Variants in DLG2 observed in about 807,000 individuals in gnomAD.
DLG2 encodes disks large homolog 2.
In DLG2, 45 loss-of-function variants were observed where a neutral mutation model predicts 132.5. The ratio of observed to expected loss-of-function variants is 0.34; its 90% confidence interval spans 0.27 to 0.44. The LOEUF (loss-of-function observed/expected upper bound fraction) is 0.44. Ranked by LOEUF, DLG2 falls within the 20% of genes least tolerant of loss-of-function variation. DLG2 has a pLI of 1.00. For missense variants in DLG2, 1,045 were observed against 1,196.9 expected (o/e 0.87, Z 1.87); for synonymous variants, 424 against 419.6 (o/e 1.01, Z -0.13).
intron 21 of DLG2, among the ~76,000 whole-genome samples, chr11:83,505,106 G>A (rs2094626423): frequency 6.6e-6 from 1 of 152,204 alleles, no homozygotes; most frequent in Non-Finnish European, 1.5e-5. Context: ...CTTGGCAGAA[G>A]CATTGTGTGC....
intron 3 of DLG2, among the ~76,000 whole-genome samples, chr11:85,412,658 G>T: frequency 6.7e-6 from 1 of 148,796 alleles, no homozygotes; most frequent in Non-Finnish European, 1.5e-5. Flanking sequence ...TAGAATAATA[G>T]TCTCCAATCT....
Position 84,178,926 on chromosome 11 carries a change from T to C in DLG2, c.574-15415A>G, listed in dbSNP as rs60854537. The stretch of plus-strand genomic sequence containing the variant: ...AATCTCTAATTGCTTTTATCTTATA[T>C]GTAGAGTTTTCAAAAAAATATAGGA... On this transcript the variant is annotated intron_variant, in intron 8 of 27. Transcript: ENST00000376104. Among the ~76,000 whole-genome samples the C allele has an allele frequency of 9.2e-5, 14 of 152,132 alleles. No homozygotes were observed. In the East Asian group the frequency reaches 2.7e-3, roughly 29 times the overall value.
chr11:83,716,491 G>A (rs189259832), intron 18 of DLG2, among the ~76,000 whole-genome samples: 64 of 152,298 alleles, frequency 4.2e-4, no homozygotes, highest in Non-Finnish European at 6.5e-4. Flanking sequence ...CAGCTCAGTG[G>A]TGTTGCTTTA....
chr11:84,753,954 A>G (rs2066515229), intron 6 of DLG2, among the ~76,000 whole-genome samples: 1 of 152,246 alleles, frequency 6.6e-6, no homozygotes, highest in Non-Finnish European at 1.5e-5. Flanking sequence ...ATGAGAACTA[A>G]GAACCGACCA....
intron 6 of DLG2, among the ~76,000 whole-genome samples, chr11:84,886,261 T>A (rs1020533870): frequency 1.3e-5 from 2 of 152,122 alleles, no homozygotes; most frequent in African/African-American, 4.8e-5. Flanking sequence ...AGATATTTCC[T>A]AGAGCTACTT....
At chr11:83,781,190 C>G (rs976184453) in intron 18 of DLG2, among the ~76,000 whole-genome samples, 1 of 152,122 alleles carries the variant, frequency 6.6e-6, no homozygotes, top group Non-Finnish European at 1.5e-5. Context: ...TCAAATATCA[C>G]CTTATTAGCA....
At chr11:85,027,617 A>T (rs1449443650) in intron 6 of DLG2, among the ~76,000 whole-genome samples, 1 of 152,234 alleles carries the variant, frequency 6.6e-6, no homozygotes, top group African/African-American at 2.4e-5. Flanking sequence ...ACAGCCACGC[A>T]TGCTAGCTGC....
At chr11:84,914,166 C>A (rs2092306491) in intron 6 of DLG2, among the ~76,000 whole-genome samples, 2 of 152,182 alleles carry the variant, frequency 1.3e-5, no homozygotes, top group Non-Finnish European at 2.9e-5. Context: ...AGTCATCTAA[C>A]TTTCATTTTA....
chr11:83,461,943 T>C (rs765961991), intron 27 of DLG2, 59 bp downstream of exon 27: 3 of 1,180,720 alleles, frequency 2.5e-6, no homozygotes, highest in South Asian at 2.4e-5. Flanking sequence ...ACCCTCTCTG[T>C]GCCAAATGTC....
chr11:83,772,762 T>C (rs1409337771), intron 18 of DLG2, among the ~76,000 whole-genome samples: 1 of 152,154 alleles, frequency 6.6e-6, no homozygotes, highest in African/African-American at 2.4e-5. Context: ...CACATTCTCC[T>C]GTTAAGTGTT....
At position 84,605,863 on chromosome 11, in the gene DLG2, A is replaced by G. The variant is rs575264946; in HGVS notation, c.358-71132T>C. On this transcript the variant is annotated intron_variant, in intron 6 of 27. Coordinates refer to ENST00000376104, the MANE Select transcript of DLG2 (RefSeq NM_001142699.3). Reference sequence around the variant, plus strand: ...TTATACTTTTCTTTCCCACATCTGCACCTGTGATCATGCTGTGGAATTTAC... The same window carrying G: ...TTATACTTTTCTTTCCCACATCTGCGCCTGTGATCATGCTGTGGAATTTAC... 4.6e-5 allele frequency among the ~76,000 whole-genome samples: 7 copies of G among 152,090 alleles called. No homozygotes were observed. In the South Asian group the frequency reaches 1.0e-3, roughly 23 times the overall value.
chr11:84,045,268 C>T (rs1009041616), intron 11 of DLG2, among the ~76,000 whole-genome samples: 3 of 151,570 alleles, frequency 2.0e-5, no homozygotes, highest in Non-Finnish European at 3.0e-5. Flanking sequence ...CATCTTATTT[C>T]TGATAATCCA....
At chr11:85,235,115 A>C (rs1004084967) in intron 4 of DLG2, among the ~76,000 whole-genome samples, 1 of 152,040 alleles carries the variant, frequency 6.6e-6, no homozygotes, top group African/African-American at 2.4e-5. Context: ...GATTAATTTC[A>C]AAATCAATAT....
intron 11 of DLG2, among the ~76,000 whole-genome samples, chr11:84,020,707 G>C (rs1274163439): frequency 2.0e-5 from 3 of 152,198 alleles, no homozygotes; most frequent in Non-Finnish European, 4.4e-5. Context: ...TTCATGCCTT[G>C]TGGGCAAGGA....
intron 6 of DLG2, among the ~76,000 whole-genome samples, chr11:84,648,592 A>G (rs1940070): frequency 0.29 from 44,378 of 151,938 alleles, 7,131 homozygotes; most frequent in South Asian, 0.44. Context: ...TTGGAGCATT[A>G]GGTTGGATCG....
chr11:84,447,736 G>A (rs1227417403), intron 7 of DLG2, among the ~76,000 whole-genome samples: 1 of 151,964 alleles, frequency 6.6e-6, no homozygotes, highest in African/African-American at 2.4e-5. Flanking sequence ...CCTCTTGTAA[G>A]AACAAAAACT....
At chr11:84,886,757 A>G (rs1329966302) in intron 6 of DLG2, among the ~76,000 whole-genome samples, 1 of 152,150 alleles carries the variant, frequency 6.6e-6, no homozygotes. Flanking sequence ...AGAATGTTTG[A>G]CAGAATGTAT....
At chr11:84,252,325 A>C (rs113585814) in intron 7 of DLG2, among the ~76,000 whole-genome samples, 22,435 of 150,424 alleles carry the variant, frequency 0.15, 1,855 homozygotes, top group East Asian at 0.25. Flanking sequence ...TAATTTTTGT[A>C]TTTTTAGTAC....
chr11:83,944,768 T>C (rs2154141746), intron 14 of DLG2, among the ~76,000 whole-genome samples: 1 of 152,136 alleles, frequency 6.6e-6, no homozygotes. Flanking sequence ...CCAGGCACAG[T>C]GAAAAGTAAT....
Sources: gnomAD v4.1 joint callset for allele counts (sites outside exome capture counted in the v4.1 genomes callset) on GRCh38, gnomAD v4.1.1 for gene constraint, MANE v1.5 for transcripts, NCBI Gene and HGNC (gene_info 2026-07-23, HGNC 2026-07-21) for gene names.